The following MACROD2 variants were observed in gnomAD, a reference collection of about 807,000 sequenced individuals.
MACROD2 encodes the protein mono-ADP ribosylhydrolase 2, also known as ADP-ribose glycohydrolase MACROD2.
Under a neutral mutation model 70.4 loss-of-function variants are expected in MACROD2, and 36 were observed. The ratio of observed to expected loss-of-function variants is 0.51; its 90% CI spans 0.39 to 0.68. The LOEUF is 0.68. Among genes scored for constraint, MACROD2 ranks in the 30% least tolerant of loss-of-function variants. MACROD2 has a pLI of 0.00. For synonymous variants in MACROD2, 172 were observed against 178.8 expected, an observed-to-expected ratio of 0.96 and a Z score of 0.30; for missense variants, 496 against 538.4, an observed-to-expected ratio of 0.92 and a Z score of 0.78.
At chr20:14,820,312 C>T (rs6034046) in intron 5 of MACROD2, among the ~76,000 whole-genome samples, 27,293 of 150,272 alleles carry the variant, frequency 0.18, 3,418 homozygotes, top group African/African-American at 0.34. Flanking sequence ...TAGATTTAAC[C>T]GTTCTGGTAT....
chr20:14,746,187 G>A (rs1343730935), intron 5 of MACROD2, among the ~76,000 whole-genome samples: 3 of 152,034 alleles, frequency 2.0e-5, no homozygotes, highest in African/African-American at 7.2e-5. Context: ...AACCATTCAC[G>A]CCTCCCAGCT....
chr20:15,858,577 G>C (rs2064384873), intron 8 of MACROD2, among the ~76,000 whole-genome samples: 1 of 152,180 alleles, frequency 6.6e-6, no homozygotes, highest in South Asian at 2.1e-4. Flanking sequence ...CAGATTTCTA[G>C]TTATGTATTT....
At chr20:15,953,807 C>T (rs535457185) in intron 12 of MACROD2, among the ~76,000 whole-genome samples, 1 of 152,134 alleles carries the variant, frequency 6.6e-6, no homozygotes, top group East Asian at 1.9e-4. Flanking sequence ...ATCCTTATTC[C>T]AAAATCATAT....
At chr20:14,515,223 C>A (rs2085078174) in intron 4 of MACROD2, among the ~76,000 whole-genome samples, 2 of 151,678 alleles carry the variant, frequency 1.3e-5, no homozygotes, top group African/African-American at 4.8e-5. Flanking sequence ...CAATACAGTG[C>A]AAAAATCGAA....
chr20:14,651,785 A>G (rs1009830776), intron 4 of MACROD2, among the ~76,000 whole-genome samples: 10 of 152,096 alleles, frequency 6.6e-5, no homozygotes, highest in Non-Finnish European at 1.3e-4. Flanking sequence ...GACTCCAACT[A>G]TCTTCCTGTG....
intron 5 of MACROD2, among the ~76,000 whole-genome samples, chr20:14,889,337 C>T (rs2073721864): frequency 6.6e-6 from 1 of 151,908 alleles, no homozygotes; most frequent in African/African-American, 2.4e-5. Flanking sequence ...GCAGGTGATG[C>T]ATGCAATAAG....
intron 13 of MACROD2, among the ~76,000 whole-genome samples, chr20:15,974,871 T>C (rs1256369713): frequency 6.6e-6 from 1 of 152,132 alleles, no homozygotes; most frequent in Non-Finnish European, 1.5e-5. Context: ...ATCTGTAATG[T>C]GTGTGCATAT....
At chr20:14,797,950 A>G (rs1180485559) in intron 5 of MACROD2, among the ~76,000 whole-genome samples, 3 of 152,156 alleles carry the variant, frequency 2.0e-5, no homozygotes, top group Non-Finnish European at 4.4e-5. Context: ...CAAGACTGGA[A>G]AAAACAATTT....
At chr20:15,620,374 A>G (rs1024577035) in intron 8 of MACROD2, among the ~76,000 whole-genome samples, 1 of 152,042 alleles carries the variant, frequency 6.6e-6, no homozygotes, top group African/African-American at 2.4e-5. Flanking sequence ...AGAGAGAAAA[A>G]CCCAGGTTGG....
chr20:15,383,538 T>G (rs1038115658), intron 6 of MACROD2, among the ~76,000 whole-genome samples: 14 of 152,206 alleles, frequency 9.2e-5, no homozygotes, highest in Non-Finnish European at 1.9e-4. Flanking sequence ...ATGATGTTCC[T>G]TTTGGATTTA....
At chr20:14,426,820 C>T (rs2083939017) in intron 3 of MACROD2, among the ~76,000 whole-genome samples, 2 of 152,106 alleles carry the variant, frequency 1.3e-5, no homozygotes, top group Non-Finnish European at 2.9e-5. Flanking sequence ...TTCACTTAAT[C>T]TCTCTGTTTT....
At chr20:15,174,256 A>G (rs1232402603) in intron 5 of MACROD2, among the ~76,000 whole-genome samples, 1 of 152,184 alleles carries the variant, frequency 6.6e-6, no homozygotes, top group Non-Finnish European at 1.5e-5. Context: ...GCTTTCTTCT[A>G]TTTGTAACAA....
In MACROD2 at chr20:14,928,984, C is replaced by A. The variant is rs547668660; in HGVS notation, c.418+244025C>A. On this transcript the variant is annotated intron_variant, in intron 5 of 17. Transcript: ENST00000684519. ...TTGTTTGGTTTGCTCTAATTCTTTG[C>A]CCTCTTAAGGGAAAAGCAAGGGAGG... is the stretch of plus-strand genomic sequence containing the variant. Among the ~76,000 whole-genome samples the A allele has an allele frequency of 2.0e-5, 3 of 152,246 alleles. No individual in the cohort carries two copies. The East Asian group carries it at 5.8e-4, about 29-fold the overall frequency.
intron 3 of MACROD2, among the ~76,000 whole-genome samples, chr20:14,467,647 T>C (rs1364768196): frequency 2.0e-5 from 3 of 152,020 alleles, no homozygotes; most frequent in Admixed American, 1.3e-4. Flanking sequence ...ACTGGAGCTG[T>C]TTCTATTCGG....
chr20:14,722,179 T>A lies in MACROD2; in HGVS notation c.418+37220T>A, dbSNP rs1045893056. Reference sequence around the variant, plus strand: ...TGAGAGATAAGGATTGTTTTTCTCATGGGCTTGGCAGAAAATCTGAATGTA... The same window carrying A: ...TGAGAGATAAGGATTGTTTTTCTCAAGGGCTTGGCAGAAAATCTGAATGTA... On this transcript the variant is annotated intron_variant, in intron 5 of 17. Coordinates refer to ENST00000684519, the MANE Select transcript of MACROD2 (RefSeq NM_001351661.2). Among the ~76,000 whole-genome samples, 5 of 152,214 alleles carry A rather than the reference T, an allele frequency of 3.3e-5. No homozygotes were observed. In the East Asian group the frequency reaches 9.6e-4, roughly 29 times the overall value.
intron 10 of MACROD2, among the ~76,000 whole-genome samples, chr20:15,901,192 C>G (rs917354209): frequency 3.3e-5 from 5 of 152,154 alleles, no homozygotes; most frequent in Non-Finnish European, 7.4e-5. Flanking sequence ...CCCACCCCAG[C>G]CCCCAGTTGC....
intron 5 of MACROD2, among the ~76,000 whole-genome samples, chr20:14,926,727 A>G (rs1051966759): frequency 2.0e-5 from 3 of 152,094 alleles, no homozygotes; most frequent in Non-Finnish European, 4.4e-5. Context: ...AACTCTTCCA[A>G]TTGACATGAT....
At chr20:15,737,675 AG>A (rs2146960201) in intron 8 of MACROD2, among the ~76,000 whole-genome samples, 1 of 152,388 alleles carries the variant, frequency 6.6e-6, no homozygotes, top group African/African-American at 2.4e-5. Context: ...TCATTAAGAA[AG>A]TAAATCATTC....
intron 4 of MACROD2, among the ~76,000 whole-genome samples, chr20:14,521,874 T>C (rs181769237): frequency 2.2e-4 from 33 of 152,300 alleles, no homozygotes; most frequent in African/African-American, 7.7e-4. Context: ...ATGACTAATA[T>C]CTTTCTCACA....
Sources: allele counts gnomAD v4.1 joint callset (sites outside exome capture counted in the v4.1 genomes callset), GRCh38; gene constraint gnomAD v4.1.1; transcripts MANE v1.5; gene names NCBI Gene and HGNC (gene_info 2026-07-23, HGNC 2026-07-21).